NAALADL2: variants seen among roughly 807,000 people sequenced by gnomAD.
The protein encoded by NAALADL2 is N-acetylated alpha-linked acidic dipeptidase like 2.
A neutral mutation model predicts 87.2 loss-of-function variants in NAALADL2; 76 were observed. The observed-to-expected ratio is 0.87, with a 90% CI of 0.72 to 1.05. NAALADL2 has a LOEUF of 1.05. Ranked by LOEUF, NAALADL2 falls within the 50% of genes least tolerant of loss-of-function variation. The pLI, the probability that NAALADL2 is intolerant of heterozygous loss-of-function variation, is 0.00. For missense variants in NAALADL2, 1,089 were observed against 945.8 expected (o/e 1.15, Z -1.99); for synonymous variants, 354 against 331.0 (o/e 1.07, Z -0.75).
rs546470382 is a variant in NAALADL2, at chr3:174,749,582, A to G, written c.-9+11836A>G. 1.4e-4 allele frequency among the ~76,000 whole-genome samples: 22 copies of G among 151,814 alleles called. 1 individual carries two copies. In the South Asian group the frequency reaches 3.7e-3, roughly 26 times the overall value. On this transcript the variant is annotated intron_variant, in intron 3 of 3. Coordinates refer to the NAALADL2 transcript ENST00000434257. ...CTAAGTATAATAGAATGTTGCTTTT[A>G]GCCTCCATACTTGGGCTGTCATATG... is the stretch of plus-strand genomic sequence containing the variant.
At chr3:175,040,973 T>A (rs12636747) in intron 1 of NAALADL2, among the ~76,000 whole-genome samples, 35,542 of 152,088 alleles carry the variant, frequency 0.23, 4,381 homozygotes, top group East Asian at 0.37. Context: ...ACAGTACATT[T>A]TCATTCATGC....
chr3:175,560,258 C>T (rs567172393), intron 9 of NAALADL2, among the ~76,000 whole-genome samples: 2 of 152,184 alleles, frequency 1.3e-5, no homozygotes, highest in East Asian at 3.9e-4. Context: ...CTGTAAATTT[C>T]TGTAGTATTA....
At chr3:175,200,532 T>C (rs1454843762) in intron 2 of NAALADL2, among the ~76,000 whole-genome samples, 1 of 152,186 alleles carries the variant, frequency 6.6e-6, no homozygotes, top group Non-Finnish European at 1.5e-5. Context: ...AAACGCTCAA[T>C]GTAATCCCTT....
At chr3:174,888,822 TAA>T (rs1174111877) in intron 1 of NAALADL2, among the ~76,000 whole-genome samples, 1 of 152,234 alleles carries the variant, frequency 6.6e-6, no homozygotes, top group East Asian at 1.9e-4. Flanking sequence ...CATATCGGCA[TAA>T]ACATATAAAT....
intron 4 of NAALADL2, among the ~76,000 whole-genome samples, chr3:175,286,338 C>CTGAGCCTTGA (rs1459638822): frequency 1.3e-5 from 2 of 152,122 alleles, no homozygotes; most frequent in Non-Finnish European, 2.9e-5. Flanking sequence ...CATCCTCTTC[C>CTGAGCCTTGA]TGAGCCTTGA....
intron 1 of NAALADL2, among the ~76,000 whole-genome samples, chr3:174,881,435 A>C (rs541436223): frequency 6.6e-6 from 1 of 152,162 alleles, no homozygotes. Context: ...ACCATAATCA[A>C]ATTTACTCAC....
At chr3:174,958,115 G>A (rs1741421277) in intron 1 of NAALADL2, among the ~76,000 whole-genome samples, 1 of 144,824 alleles carries the variant, frequency 6.9e-6, no homozygotes, top group Non-Finnish European at 1.5e-5. Flanking sequence ...TTCTGTTTAA[G>A]CATTGAACAA....
At chr3:175,285,484 C>T (rs1754869399) in intron 4 of NAALADL2, among the ~76,000 whole-genome samples, 1 of 152,112 alleles carries the variant, frequency 6.6e-6, no homozygotes, top group Non-Finnish European at 1.5e-5. Flanking sequence ...ACTTTGAGCT[C>T]TTCCAAGATG....
chr3:174,848,020 T>TA (rs1015648473), intron 3 of NAALADL2, among the ~76,000 whole-genome samples: 5 of 151,744 alleles, frequency 3.3e-5, no homozygotes, highest in East Asian at 1.9e-4. Flanking sequence ...TTTTTTTTTT[T>TA]ACTTCTTTGC....
rs1715343469 is a variant in NAALADL2 at position 174,449,771 on chromosome 3, A to G, written c.-184+8739A>G. Among the ~76,000 whole-genome samples the G allele has an allele frequency of 2.0e-5, 3 of 152,284 alleles. No individual in the cohort carries two copies. In the South Asian group the frequency reaches 6.2e-4, roughly 32 times the overall value. On this transcript the variant is annotated intron_variant, in intron 1 of 3. Coordinates refer to the NAALADL2 transcript ENST00000434257. ...TTTGGAGATAATGTTGAAATTTTAT[A>G]CTATAATAGTCATAGCCACTTTTTC...
intron 9 of NAALADL2, among the ~76,000 whole-genome samples, chr3:175,536,417 A>G (rs1024302204): frequency 3.9e-5 from 6 of 152,308 alleles, no homozygotes; most frequent in Admixed American, 2.6e-4. Context: ...AATTTTGCCT[A>G]CAATGGTTGT....
At chr3:175,339,130 A>C (rs1372845697) in intron 5 of NAALADL2, among the ~76,000 whole-genome samples, 1 of 152,182 alleles carries the variant, frequency 6.6e-6, no homozygotes, top group African/African-American at 2.4e-5. Flanking sequence ...TCTTCAGCAG[A>C]CTTGAGGAGG....
intron 6 of NAALADL2, among the ~76,000 whole-genome samples, chr3:175,450,938 T>C (rs1403151627): frequency 2.0e-5 from 3 of 151,882 alleles, no homozygotes; most frequent in African/African-American, 7.3e-5. Flanking sequence ...CTTAAGACCA[T>C]GGGAATGCAT....
chr3:175,527,074 GC>G (rs1733517650), intron 9 of NAALADL2, among the ~76,000 whole-genome samples: 1 of 152,032 alleles, frequency 6.6e-6, no homozygotes, highest in African/African-American at 2.4e-5. Context: ...TGTCATCTGA[GC>G]CCCCAGGTAG....
At chr3:174,532,471 G>A (rs1335432396) in intron 1 of NAALADL2, among the ~76,000 whole-genome samples, 2 of 152,100 alleles carry the variant, frequency 1.3e-5, no homozygotes, top group African/African-American at 4.8e-5. Flanking sequence ...AGGAGTAAGA[G>A]GGACAAAGGC....
At position 174,816,019 on chromosome 3, in the gene NAALADL2, C is replaced by T. The variant is rs370302235; in HGVS notation, c.-9+78273C>T. ...AGGATGCACAATTCAGCACTCAGCC[C>T]ATAACAGACATTTGGATCCCTAAAT... On this transcript the variant is annotated intron_variant, in intron 3 of 3. Transcript: ENST00000434257. 4.1e-4 allele frequency among the ~76,000 whole-genome samples: 62 copies of T among 151,702 alleles called. 3 individuals are homozygous for T. The South Asian group carries it at 0.013, about 32-fold the overall frequency.
intron 11 of NAALADL2, among the ~76,000 whole-genome samples, chr3:175,731,622 A>C (rs1743764832): frequency 6.6e-6 from 1 of 152,206 alleles, no homozygotes. Flanking sequence ...GCTGCATGAC[A>C]AGGAGTATAC....
At chr3:174,536,941 C>A (rs918595998) in intron 1 of NAALADL2, among the ~76,000 whole-genome samples, 4 of 152,042 alleles carry the variant, frequency 2.6e-5, no homozygotes, top group African/African-American at 9.7e-5. Flanking sequence ...ATGCAAATAA[C>A]AATATTACTT....
At chr3:175,261,428 G>A (rs1022299594) in intron 4 of NAALADL2, among the ~76,000 whole-genome samples, 2 of 152,242 alleles carry the variant, frequency 1.3e-5, no homozygotes, top group East Asian at 1.9e-4. Flanking sequence ...AGGTTGGGCT[G>A]TTGTCTAAAT....
Sources: allele counts gnomAD v4.1 joint callset (sites outside exome capture counted in the v4.1 genomes callset), GRCh38; gene constraint gnomAD v4.1.1; transcripts MANE v1.5; gene names NCBI Gene and HGNC (gene_info 2026-07-23, HGNC 2026-07-21).